DENND5A: variants seen among roughly 807,000 people sequenced by gnomAD.
DENND5A encodes the protein DENN domain containing 5A.
A neutral mutation model predicts 140.3 loss-of-function variants in DENND5A; 64 were observed. The ratio of observed to expected loss-of-function variants is 0.46; its 90% confidence interval spans 0.37 to 0.56. The LOEUF (loss-of-function observed/expected upper bound fraction) is 0.56. Ranked by LOEUF, DENND5A falls within the 20% of genes least tolerant of loss-of-function variation. DENND5A has a pLI of 0.00. For missense variants in DENND5A, 1,292 were observed against 1,593.8 expected (o/e 0.81, Z 3.22); for synonymous variants, 605 against 607.7 (o/e 1.00, Z 0.07).
intron 1 of DENND5A, among the ~76,000 whole-genome samples, chr11:9,251,790 C>A (rs1851731166): frequency 6.6e-6 from 1 of 151,060 alleles, no homozygotes; most frequent in African/African-American, 2.4e-5. Flanking sequence ...GAGATCGAGA[C>A]CATCCTGGCT....
At chr11:9,233,550 C>A (rs965980923) in intron 1 of DENND5A, among the ~76,000 whole-genome samples, 1 of 151,880 alleles carries the variant, frequency 6.6e-6, no homozygotes, top group African/African-American at 2.4e-5. Flanking sequence ...CAGATGTAGT[C>A]AAAAATATTG....
intron 10 of DENND5A, among the ~76,000 whole-genome samples, chr11:9,169,181 T>C (rs1405469034): frequency 6.6e-6 from 1 of 152,202 alleles, no homozygotes; most frequent in Non-Finnish European, 1.5e-5. Context: ...GCGCAGTAGC[T>C]CACACCTATA....
chr11:9,206,690 G>C lies in DENND5A; in HGVS notation c.274C>G (p.Gln92Glu), dbSNP rs762899480. Residue 92 changes from glutamine (Q) to glutamate (E), a missense_variant, in exon 3 of 23, where the codon CAA (glutamine) becomes GAA (glutamate). Around this residue, in one of 4 missense-constraint regions of DENND5A, gnomAD observed 566 missense variants for 650.4 expected, o/e 0.87. Coordinates refer to ENST00000328194, the MANE Select transcript of DENND5A (RefSeq NM_015213.4). ...PENVEWNPFD[Q>E]DAVGMLCMPK... ...ATACCAACCATTCCTACTGCATCTT[G>C]GTCAAAGGGATTCCATTCTACGTTC... 1.6e-5 allele frequency: 26 copies of C among 1,610,728 alleles called. No homozygotes were observed. Among genetic ancestry groups the C allele is most frequent in the African/African-American group, 2.7e-5 (2 of 74,834 alleles).
At position 9,147,247 on chromosome 11, in the gene DENND5A, A is replaced by C. The variant is rs187001534; in HGVS notation, c.2736-96T>G. On this transcript the variant is annotated intron_variant, in intron 15 of 22. Coordinates refer to ENST00000328194, the MANE Select transcript of DENND5A (RefSeq NM_015213.4). Reference sequence around the variant, plus strand: ...GGAAGGAGACAGCTAAGGGAAGCATAAGATGTCAAGCTTCAAGTTCCTTAG... The same window carrying C: ...GGAAGGAGACAGCTAAGGGAAGCATCAGATGTCAAGCTTCAAGTTCCTTAG... The C allele has an allele frequency of 3.7e-5, 50 of 1,334,786 alleles. No homozygotes were observed. The African/African-American group carries it at 6.7e-4, about 18-fold the overall frequency. The allele number at this position is 1,334,786 out of a possible 1,614,324, so 82.7% of individuals were successfully genotyped here. A position where few individuals can be genotyped will look rare whatever the true frequency, so the allele number is the denominator to read the frequency against.
At chr11:9,237,041 G>C (rs1454969540) in intron 1 of DENND5A, among the ~76,000 whole-genome samples, 2 of 152,158 alleles carry the variant, frequency 1.3e-5, no homozygotes, top group East Asian at 3.8e-4. Context: ...CAAAAGGCCT[G>C]AACAGACAAT....
intron 5 of DENND5A, 120 bp from the exon 6 acceptor site, chr11:9,181,204 T>C: frequency 1.2e-6 from 1 of 808,110 alleles, no homozygotes; most frequent in Non-Finnish European, 2.0e-6. Context: ...ATATTTGAGA[T>C]ATGGTATAAG....
chr11:9,196,830 T>C (rs1849345699), intron 4 of DENND5A, among the ~76,000 whole-genome samples: 1 of 151,698 alleles, frequency 6.6e-6, no homozygotes, highest in African/African-American at 2.4e-5. Flanking sequence ...AGGTTGGTCT[T>C]AAGCTTCTGA....
At chr11:9,264,873 G>T in intron 1 of DENND5A, 88 bp downstream of exon 1, 1 of 1,238,970 alleles carries the variant, frequency 8.1e-7, no homozygotes, top group Non-Finnish European at 1.1e-6. Context: ...CCGGCTCCCG[G>T]GACAAAGCGG....
In DENND5A at chr11:9,179,142, T is replaced by C. The variant is rs943097146; in HGVS notation, c.1456-69A>G. 6.4e-6 allele frequency: 9 copies of C among 1,414,724 alleles called. No homozygotes were observed. In the African/African-American group the frequency reaches 1.3e-4, roughly 20 times the overall value. The allele number at this position is 1,414,724 out of a possible 1,614,324, so 87.6% of individuals were successfully genotyped here. A position where few individuals can be genotyped will look rare whatever the true frequency, so the allele number is the denominator to read the frequency against. The stretch of plus-strand genomic sequence containing the variant: ...CTTTTAACCCAAGGAATGCAATTCC[T>C]GATTTTTTTATCTGATTTTTTTTTA... On this transcript the variant is annotated intron_variant, in intron 6 of 22. Coordinates refer to ENST00000328194, the MANE Select transcript of DENND5A (RefSeq NM_015213.4).
intron 5 of DENND5A, among the ~76,000 whole-genome samples, chr11:9,191,547 G>A (rs1485171954): frequency 2.6e-5 from 4 of 152,150 alleles, no homozygotes; most frequent in Admixed American, 2.6e-4. Context: ...GCCAACTTTT[G>A]GGTTTCTTAA....
chr11:9,190,837 C>T (rs1209531727), intron 5 of DENND5A, among the ~76,000 whole-genome samples: 1 of 152,102 alleles, frequency 6.6e-6, no homozygotes, highest in African/African-American at 2.4e-5. Flanking sequence ...ATGAACATGT[C>T]ATTTCTGAGA....
intron 11 of DENND5A, among the ~76,000 whole-genome samples, chr11:9,161,216 C>T (rs940187560): frequency 6.6e-6 from 1 of 152,050 alleles, no homozygotes; most frequent in African/African-American, 2.4e-5. Flanking sequence ...GGTGTGGTGG[C>T]GGGCGCCTGT....
chr11:9,188,167 G>T (rs889246654), intron 5 of DENND5A, among the ~76,000 whole-genome samples: 2 of 152,164 alleles, frequency 1.3e-5, no homozygotes, highest in African/African-American at 4.8e-5. Flanking sequence ...TTGTGACAGT[G>T]AATAAGTCTC....
chr11:9,194,523 T>C (rs117812635), intron 4 of DENND5A, among the ~76,000 whole-genome samples: 8,961 of 150,476 alleles, frequency 0.06, 369 homozygotes, highest in South Asian at 0.11. Context: ...GAGCCGAGAC[T>C]GCACAGCTGC....
intron 11 of DENND5A, among the ~76,000 whole-genome samples, chr11:9,164,194 ATTTTTTTTTTTTTTTT>A (rs779522112): frequency 0.19 from 14,614 of 78,928 alleles, 1,529 homozygotes; most frequent in African/African-American, 0.29. Flanking sequence ...ACCACGCCTA[ATTTTTTTTTTTTTTTT>A]TTTTTTTTTT....
At chr11:9,247,612 A>G (rs1279462642) in intron 1 of DENND5A, among the ~76,000 whole-genome samples, 2 of 152,198 alleles carry the variant, frequency 1.3e-5, no homozygotes, top group Admixed American at 6.6e-5. Context: ...TTTTGAATCA[A>G]TATGAACGAC....
In DENND5A at chr11:9,161,173, C is replaced by T. The variant is rs1388670659; in HGVS notation, c.2284-308G>A. ...CCATCCTGGCTAACACGGTGAAACC[C>T]CGTCTCTATTAAAAATACAAAAAAA... is the stretch of plus-strand genomic sequence containing the variant. On this transcript the variant is annotated intron_variant, in intron 11 of 22. Coordinates refer to ENST00000328194, the MANE Select transcript of DENND5A (RefSeq NM_015213.4). Among the ~76,000 whole-genome samples the T allele has an allele frequency of 1.4e-4, 22 of 152,100 alleles. 1 individual carries two copies. Among genetic ancestry groups the T allele is most frequent in the Non-Finnish European group, 2.9e-5 (2 of 68,022 alleles).
chr11:9,150,092 A>G lies in DENND5A; in HGVS notation c.2724T>C (p.His908=), dbSNP rs1309748394. The G allele has an allele frequency of 3.5e-5, 57 of 1,612,796 alleles. No individual in the cohort carries two copies. Among genetic ancestry groups the G allele is most frequent in the Non-Finnish European group, 4.7e-5 (55 of 1,179,362 alleles). Residue 908 remains histidine, a synonymous_variant, in exon 15 of 23, where the codon CAT becomes CAC. Coordinates refer to ENST00000328194, the MANE Select transcript of DENND5A (RefSeq NM_015213.4). ...SRHLKQLLSD[H]ELTKKLYKRY... ...CGGAGCAGCCTTACTTGGTGAGCTC[A>G]TGGTCTGAGAGGAGCTGCTTCAGGT...
intron 1 of DENND5A, among the ~76,000 whole-genome samples, chr11:9,236,644 G>A (rs1361068226): frequency 6.6e-6 from 1 of 152,084 alleles, no homozygotes; most frequent in Non-Finnish European, 1.5e-5. Flanking sequence ...CTACTCGGGA[G>A]GCTAAGGCAA....
Sources: allele counts gnomAD v4.1 joint callset (sites outside exome capture counted in the v4.1 genomes callset), GRCh38; gene constraint gnomAD v4.1.1; regional missense constraint gnomAD v4.1.1; transcripts MANE v1.5; gene names NCBI Gene and HGNC (gene_info 2026-07-23, HGNC 2026-07-21).